Variants in CNTN1 observed in about 807,000 individuals in gnomAD.
The protein encoded by CNTN1 is contactin-1.
A neutral mutation model predicts 126.4 loss-of-function variants in CNTN1; 38 were observed. That is an observed-to-expected ratio of 0.30 (90% CI 0.23 to 0.39). The LOEUF (loss-of-function observed/expected upper bound fraction) is 0.39, where lower values mean the gene tolerates loss of function less well. Among genes scored for constraint, CNTN1 ranks in the 10% least tolerant of loss-of-function variants. The probability of loss-of-function intolerance (pLI) is 1.00; values close to 1 mark genes in which losing one functional copy is unlikely to be tolerated. For synonymous variants in CNTN1, 413 were observed against 422.6 expected (o/e 0.98, Z 0.28); for missense variants, 1,009 against 1,248.4 (o/e 0.81, Z 2.89).
At chr12:40,823,136 A>T (rs1941504839) in intron 1 of CNTN1, among the ~76,000 whole-genome samples, 1 of 152,178 alleles carries the variant, frequency 6.6e-6, no homozygotes, top group South Asian at 2.1e-4. Context: ...AACAAATATT[A>T]ATTCTTTTCC....
At chr12:40,992,471 G>T (rs899412433) in intron 16 of CNTN1, among the ~76,000 whole-genome samples, 4 of 151,814 alleles carry the variant, frequency 2.6e-5, no homozygotes, top group Non-Finnish European at 5.9e-5. Flanking sequence ...TTGGTTGCAT[G>T]TTTTATTATA....
intron 15 of CNTN1, chr12:40,972,300 T>C (rs1947539853): frequency 2.0e-5 from 20 of 985,314 alleles, no homozygotes; most frequent in Non-Finnish European, 2.3e-5. Flanking sequence ...ATGATTAAAA[T>C]TGAGGAGTAT....
chr12:41,029,874 T>C (rs532034659), intron 23 of CNTN1, among the ~76,000 whole-genome samples: 2 of 152,220 alleles, frequency 1.3e-5, no homozygotes, highest in South Asian at 4.1e-4. Context: ...TTTGTTTGAT[T>C]TGGAAATACA....
intron 1 of CNTN1, among the ~76,000 whole-genome samples, chr12:40,718,652 GTACAAC>G (rs1942111231): frequency 6.6e-6 from 1 of 152,136 alleles, no homozygotes; most frequent in Admixed American, 6.5e-5. Flanking sequence ...TGTTGCAGCA[GTACAAC>G]TAAATAGAGT....
intron 1 of CNTN1, among the ~76,000 whole-genome samples, chr12:40,734,813 G>A (rs1942580410): frequency 6.6e-6 from 1 of 152,052 alleles, no homozygotes; most frequent in African/African-American, 2.4e-5. Context: ...TTTACAAATG[G>A]AGAACCAACA....
At chr12:40,980,788 A>T in intron 15 of CNTN1, 121 bp from the exon 16 acceptor site, 1 of 886,402 alleles carries the variant, frequency 1.1e-6, no homozygotes, top group Non-Finnish European at 1.8e-6. Context: ...AAATGCAGAC[A>T]CACTGATTAT....
intron 1 of CNTN1, among the ~76,000 whole-genome samples, chr12:40,790,579 G>C (rs1166683342): frequency 1.3e-5 from 2 of 151,996 alleles, no homozygotes; most frequent in Admixed American, 1.3e-4. Flanking sequence ...CTGCTGTCCA[G>C]ACTTTGGACC....
At chr12:40,707,085 C>T (rs925603122) in intron 1 of CNTN1, among the ~76,000 whole-genome samples, 4 of 131,218 alleles carry the variant, frequency 3.0e-5, no homozygotes, top group Middle Eastern at 4.1e-3. Flanking sequence ...CACACACACA[C>T]ACACCCCTGC....
At chr12:41,061,794 G>C (rs1949943889) in intron 23 of CNTN1, 4 of 455,818 alleles carry the variant, frequency 8.8e-6, no homozygotes, top group Non-Finnish European at 1.3e-5. Flanking sequence ...AAGTAAAACA[G>C]CCAAAGATCA....
intron 1 of CNTN1, among the ~76,000 whole-genome samples, chr12:40,880,244 A>C (rs1423856558): frequency 6.6e-6 from 1 of 152,008 alleles, no homozygotes; most frequent in Non-Finnish European, 1.5e-5. Flanking sequence ...AGTAAACCTA[A>C]AATCAGCTAG....
rs904601699 is a variant in CNTN1, at chr12:40,745,730, C to A, written c.-77+53138C>A. Among the ~76,000 whole-genome samples, 3 of 152,136 alleles carry A rather than the reference C, an allele frequency of 2.0e-5. No individual in the cohort carries two copies. The South Asian group carries it at 6.2e-4, about 31-fold the overall frequency. On this transcript the variant is annotated intron_variant, in intron 1 of 23. Coordinates refer to ENST00000551295, the MANE Select transcript of CNTN1 (RefSeq NM_001843.4). ...AATTCTCTACAGAATGTAGTATTTT[C>A]CCCACAGAAGACAACTTTGCAGGGC...
chr12:40,703,936 A>C (rs1941667958), intron 1 of CNTN1, among the ~76,000 whole-genome samples: 1 of 152,196 alleles, frequency 6.6e-6, no homozygotes, highest in Admixed American at 6.5e-5. Context: ...ATAGATAAAA[A>C]GGTAGTTCAA....
chr12:40,811,551 A>G (rs753867910), intron 1 of CNTN1, among the ~76,000 whole-genome samples: 3 of 152,074 alleles, frequency 2.0e-5, no homozygotes, highest in Non-Finnish European at 4.4e-5. Flanking sequence ...TTTTTTTGAT[A>G]GAAGATTTTT....
Position 40,943,635 on chromosome 12 carries a change from A to G in CNTN1, c.1418A>G (p.Asn473Ser). Residue 473 changes from asparagine to serine, a missense_variant, in exon 13 of 24, where the codon AAC (asparagine) becomes AGC (serine). Asn to Ser is a conservative substitution (Grantham distance 46). Transcript: ENST00000551295. ...IWEDGSLEIN[N>S]ITRNDGGIYT... Reference sequence around the variant, plus strand: ...GAAGATGGTAGCTTGGAAATCAACAACATTACAAGGAATGATGGAGGTATC... The same window carrying G: ...GAAGATGGTAGCTTGGAAATCAACAGCATTACAAGGAATGATGGAGGTATC... 6.2e-7 allele frequency: 1 copy of G among 1,600,452 alleles called. No individual in the cohort carries two copies. Among genetic ancestry groups the G allele is most frequent in the Non-Finnish European group, 8.6e-7 (1 of 1,167,816 alleles).
intron 17 of CNTN1, among the ~76,000 whole-genome samples, chr12:40,998,298 A>G (rs928963702): frequency 1.6e-4 from 24 of 152,290 alleles, no homozygotes; most frequent in African/African-American, 5.8e-4. Context: ...GTGGATAATT[A>G]TAATTTTAAT....
intron 19 of CNTN1, among the ~76,000 whole-genome samples, chr12:41,019,178 T>C (rs1948852011): frequency 6.6e-6 from 1 of 152,030 alleles, no homozygotes; most frequent in Admixed American, 6.6e-5. Flanking sequence ...AAAACAACAA[T>C]GAAATATGAT....
chr12:41,016,151 T>C (rs1948775750), intron 18 of CNTN1, among the ~76,000 whole-genome samples: 1 of 152,164 alleles, frequency 6.6e-6, no homozygotes, highest in East Asian at 1.9e-4. Context: ...TTCTAGGTGC[T>C]AGGGATAAAG....
chr12:40,905,705 G>A lies in CNTN1; in HGVS notation c.-76-2652G>A, dbSNP rs184712789. Among the ~76,000 whole-genome samples, 692 of 151,870 alleles carry A rather than the reference G, an allele frequency of 4.6e-3. 5 individuals carry two copies. The highest frequency in any genetic ancestry group is 0.012 in the African/African-American group (514 of 41,268). On this transcript the variant is annotated intron_variant, in intron 1 of 23. Coordinates refer to ENST00000551295, the MANE Select transcript of CNTN1 (RefSeq NM_001843.4). ...TTGCTTGATTGGCATTAAAGTTTTG[G>A]CATTTTTATGTGTTTGCTTTTTCTA... is the stretch of plus-strand genomic sequence containing the variant.
rs773587445 is a variant in CNTN1, at chr12:40,944,004, G to T, written c.1517G>T (p.Arg506Leu). 6.2e-7 allele frequency: 1 copy of T among 1,613,228 alleles called. No individual in the cohort carries two copies. The highest frequency in any genetic ancestry group is 1.3e-5 in the African/African-American group (1 of 74,976). The change falls in exon 14 of 24, where the codon CGA becomes CTA. Residue 506 changes from arginine to leucine, a missense_variant. Coordinates refer to ENST00000551295, the MANE Select transcript of CNTN1 (RefSeq NM_001843.4). ...TGTLVITDPT[R>L]IILAPINADI... is the part of the protein sequence containing the mutation. ...ATTTAAAAATATATAGATCCTACGC[G>T]AATTATATTGGCCCCAATTAATGCC...
Sources: gnomAD v4.1 joint callset for allele counts (sites outside exome capture counted in the v4.1 genomes callset) on GRCh38, gnomAD v4.1.1 for gene constraint, MANE v1.5 for transcripts, NCBI Gene and HGNC (gene_info 2026-07-23, HGNC 2026-07-21) for gene names.